The following RASGEF1A variants were observed in gnomAD, a reference collection of about 807,000 sequenced individuals.
RASGEF1A encodes ras-GEF domain-containing family member 1A.
RASGEF1A carries 18 observed loss-of-function variants against 56.4 expected under a neutral mutation model. The observed-to-expected ratio is 0.32, with a 90% CI of 0.22 to 0.47. RASGEF1A has a LOEUF of 0.47. Ranked by LOEUF, RASGEF1A falls within the 20% of genes least tolerant of loss-of-function variation. RASGEF1A has a pLI of 1.00. For missense variants in RASGEF1A, 422 were observed against 627.1 expected (o/e 0.67, Z 3.49); for synonymous variants, 245 against 242.6 (o/e 1.01, Z -0.09).
chr10:43,243,104 G>A (rs981587832), intron 1 of RASGEF1A, among the ~76,000 whole-genome samples: 71 of 149,700 alleles, frequency 4.7e-4, no homozygotes, highest in African/African-American at 1.5e-3. Flanking sequence ...CTGCCTGGCC[G>A]CCCATCGTCT....
intron 1 of RASGEF1A, among the ~76,000 whole-genome samples, chr10:43,213,781 C>T (rs150526177): frequency 1.8e-4 from 27 of 151,816 alleles, no homozygotes; most frequent in African/African-American, 6.3e-4. Flanking sequence ...TGTACACCAC[C>T]ATGCCCAGCT....
At chr10:43,243,026 C>T (rs563519006) in intron 1 of RASGEF1A, among the ~76,000 whole-genome samples, 4 of 151,712 alleles carry the variant, frequency 2.6e-5, no homozygotes, top group South Asian at 2.1e-4. Context: ...TCTGCCCGCC[C>T]GACCCATCTG....
chr10:43,259,907 C>T (rs188132554), intron 1 of RASGEF1A, among the ~76,000 whole-genome samples: 182 of 145,172 alleles, frequency 1.3e-3, no homozygotes, highest in African/African-American at 4.1e-3. Context: ...AGGAGCTGGA[C>T]GGAGGGGCAG....
rs528050526 is a variant in RASGEF1A, at chr10:43,251,056, G to A, written c.-7+15789C>T. 4.6e-5 allele frequency among the ~76,000 whole-genome samples: 7 copies of A among 152,370 alleles called. No homozygotes were observed. In the South Asian group the frequency reaches 1.4e-3, roughly 32 times the overall value. On this transcript the variant is annotated intron_variant, in intron 1 of 12. Transcript: ENST00000395810. ...TAGGGAGCACCTCTGAGGCTGCAGG[G>A]CGTGGAAGGAAGTGCCTATTCCCTG... is the stretch of plus-strand genomic sequence containing the variant.
At chr10:43,255,694 G>A (rs895377522) in intron 1 of RASGEF1A, among the ~76,000 whole-genome samples, 6 of 152,228 alleles carry the variant, frequency 3.9e-5, no homozygotes, top group Non-Finnish European at 5.9e-5. Context: ...CAGGGCCAGA[G>A]TTAAAACCAA....
rs1588931087 is a variant in RASGEF1A, at chr10:43,206,038, G to A, written c.79C>T (p.Arg27Cys). Residue 27 changes from arginine (R) to cysteine (C), a missense_variant, in exon 2 of 13, where the codon CGT becomes TGT. Around this residue, in one of 2 missense-constraint regions of RASGEF1A, gnomAD observed 273 missense variants for 339.9 expected, o/e 0.80. Transcript: ENST00000395810. ...GAGCCGCCACCGGCCCCGCCTCCAC[G>A]CTCCCCCATGCCAGGCTGCACCTGT... ...SGQVQPGMGE[R>C]GGGAGGGSGD... is the part of the protein sequence containing the mutation. The A allele has an allele frequency of 4.3e-6, 7 of 1,609,536 alleles. No individual in the cohort carries two copies. The highest frequency in any genetic ancestry group is 2.2e-5 in the East Asian group (1 of 44,780).
At chr10:43,263,401 G>A (rs1434415431) in intron 1 of RASGEF1A, among the ~76,000 whole-genome samples, 11 of 152,134 alleles carry the variant, frequency 7.2e-5, no homozygotes, top group Admixed American at 4.6e-4. Flanking sequence ...AAGTCAGCCC[G>A]CACAGGCGAC....
intron 5 of RASGEF1A, 92 bp from the exon 6 acceptor site, chr10:43,200,348 G>A: frequency 1.7e-6 from 2 of 1,148,192 alleles, no homozygotes; most frequent in Non-Finnish European, 2.5e-6. Flanking sequence ...AGGAGGAGCT[G>A]CCCAGGGCAC....
At chr10:43,242,016 T>C (rs1010772809) in intron 1 of RASGEF1A, among the ~76,000 whole-genome samples, 2 of 152,138 alleles carry the variant, frequency 1.3e-5, no homozygotes, top group Non-Finnish European at 2.9e-5. Context: ...TGGGCACCTG[T>C]AGTCCCAGCT....
intron 1 of RASGEF1A, among the ~76,000 whole-genome samples, chr10:43,264,758 C>G (rs1410023126): frequency 2.0e-5 from 3 of 151,884 alleles, no homozygotes; most frequent in African/African-American, 7.3e-5. Flanking sequence ...CCCCAGCAGC[C>G]CAGCGCCCCT....
At chr10:43,207,593 G>C (rs956711018) in intron 1 of RASGEF1A, 8 of 985,474 alleles carry the variant, frequency 8.1e-6, no homozygotes, top group Non-Finnish European at 9.6e-6. Flanking sequence ...CCACGATGAC[G>C]CTGGGTGGAA....
chr10:43,242,286 A>C (rs1270126170), intron 1 of RASGEF1A, among the ~76,000 whole-genome samples: 1 of 152,246 alleles, frequency 6.6e-6, no homozygotes, highest in Non-Finnish European at 1.5e-5. Context: ...AGGATATTTT[A>C]TAATGATTAA....
intron 1 of RASGEF1A, among the ~76,000 whole-genome samples, chr10:43,223,221 T>C (rs1201033486): frequency 6.6e-6 from 1 of 152,156 alleles, no homozygotes; most frequent in African/African-American, 2.4e-5. Context: ...CATTCTACTG[T>C]CCAGAGTCTC....
At chr10:43,233,406 T>C (rs1223841331) in intron 1 of RASGEF1A, among the ~76,000 whole-genome samples, 1 of 152,122 alleles carries the variant, frequency 6.6e-6, no homozygotes, top group Non-Finnish European at 1.5e-5. Context: ...ATCCAAAATA[T>C]ATAAAGAACT....
intron 1 of RASGEF1A, among the ~76,000 whole-genome samples, chr10:43,226,239 C>T (rs1176074207): frequency 1.3e-5 from 2 of 152,242 alleles, no homozygotes; most frequent in East Asian, 1.9e-4. Context: ...GTCAGGAGTT[C>T]GAAACCAGCC....
intron 1 of RASGEF1A, among the ~76,000 whole-genome samples, chr10:43,221,394 A>C (rs964151293): frequency 1.1e-4 from 16 of 152,132 alleles, no homozygotes; most frequent in African/African-American, 3.6e-4. Context: ...AGCCGTCTCC[A>C]TGCCTCCCCA....
chr10:43,243,133 C>T (rs1472648900), intron 1 of RASGEF1A, among the ~76,000 whole-genome samples: 2 of 151,322 alleles, frequency 1.3e-5, no homozygotes, highest in Admixed American at 6.6e-5. Context: ...AGGAGCGCCT[C>T]GGCCTGGCCG....
intron 1 of RASGEF1A, among the ~76,000 whole-genome samples, chr10:43,248,583 G>A (rs1840592735): frequency 6.6e-6 from 1 of 152,200 alleles, no homozygotes; most frequent in Non-Finnish European, 1.5e-5. Context: ...TCTAACAGGT[G>A]AGAATGGTCT....
chr10:43,236,157 T>C (rs1166017601), intron 1 of RASGEF1A, among the ~76,000 whole-genome samples: 3 of 152,048 alleles, frequency 2.0e-5, no homozygotes, highest in South Asian at 2.1e-4. Flanking sequence ...GCAAAAATAA[T>C]GTTAAAGGTA....
Sources: allele counts gnomAD v4.1 joint callset (sites outside exome capture counted in the v4.1 genomes callset), GRCh38; gene constraint gnomAD v4.1.1; regional missense constraint gnomAD v4.1.1; transcripts MANE v1.5; gene names NCBI Gene and HGNC (gene_info 2026-07-23, HGNC 2026-07-21).